The following GALNT17 variants were observed in gnomAD, a reference collection of about 807,000 sequenced individuals.
The protein encoded by GALNT17 is polypeptide N-acetylgalactosaminyltransferase 17.
Under a neutral mutation model 63.7 loss-of-function variants are expected in GALNT17, and 29 were observed. That is an observed-to-expected ratio of 0.46 (90% confidence interval 0.34 to 0.62). The LOEUF (loss-of-function observed/expected upper bound fraction) is 0.62. Among genes scored for constraint, GALNT17 ranks in the 20% least tolerant of loss-of-function variants. GALNT17 has a pLI of 0.01. For synonymous variants in GALNT17, 305 were observed against 318.3 expected, an observed-to-expected ratio of 0.96 and a Z score of 0.45; for missense variants, 603 against 799.6, an observed-to-expected ratio of 0.75 and a Z score of 2.97.
chr7:71,342,547 A>G (rs28674729), intron 2 of GALNT17, among the ~76,000 whole-genome samples: 30 of 152,308 alleles, frequency 2.0e-4, no homozygotes, highest in Admixed American at 7.2e-4. Flanking sequence ...AAAAAAAACA[A>G]AAGCTCTCCA....
chr7:71,471,887 T>C (rs73365688), intron 5 of GALNT17, among the ~76,000 whole-genome samples: 6,330 of 152,136 alleles, frequency 0.042, 243 homozygotes, highest in African/African-American at 0.1. Flanking sequence ...CCTAAGCAGG[T>C]ACATTATCCT....
intron 5 of GALNT17, among the ~76,000 whole-genome samples, chr7:71,556,236 TG>T: frequency 6.6e-6 from 1 of 152,196 alleles, no homozygotes; most frequent in East Asian, 1.9e-4. Context: ...TGACTGTCCT[TG>T]GGTAAACATC....
intron 5 of GALNT17, among the ~76,000 whole-genome samples, chr7:71,506,240 G>A (rs1386348320): frequency 7.3e-6 from 1 of 137,352 alleles, no homozygotes; most frequent in Non-Finnish European, 1.6e-5. Context: ...CTGGGGCATA[G>A]AAGGAATTTT....
intron 2 of GALNT17, among the ~76,000 whole-genome samples, chr7:71,364,949 G>T (rs201427830): frequency 7.1e-5 from 3 of 42,392 alleles, no homozygotes; most frequent in African/African-American, 2.4e-4. Flanking sequence ...TTTTTATTTT[G>T]AGATGGAGTC....
intron 3 of GALNT17, among the ~76,000 whole-genome samples, chr7:71,400,450 C>A (rs777919606): frequency 2.6e-5 from 4 of 152,156 alleles, no homozygotes; most frequent in African/African-American, 9.7e-5. Flanking sequence ...CACTTTAATT[C>A]ATTCATAATC....
intron 7 of GALNT17, 48 bp from the exon 8 acceptor site, chr7:71,669,924 C>G: frequency 6.2e-7 from 1 of 1,607,094 alleles, no homozygotes; most frequent in Non-Finnish European, 8.5e-7. Context: ...CCCACTCTGG[C>G]CAGAGCTCCA....
chr7:71,354,392 C>G (rs1792245343), intron 2 of GALNT17, among the ~76,000 whole-genome samples: 1 of 152,124 alleles, frequency 6.6e-6, no homozygotes, highest in African/African-American at 2.4e-5. Context: ...AGAAAGTATT[C>G]ATTAGTTTTA....
At chr7:71,387,668 G>A (rs541174856) in intron 2 of GALNT17, among the ~76,000 whole-genome samples, 5 of 152,232 alleles carry the variant, frequency 3.3e-5, no homozygotes, top group East Asian at 3.9e-4. Flanking sequence ...TGGAGTAATC[G>A]CTTAGGCATC....
chr7:71,469,904 C>G (rs1356090748), intron 5 of GALNT17, among the ~76,000 whole-genome samples: 1 of 152,144 alleles, frequency 6.6e-6, no homozygotes, highest in Non-Finnish European at 1.5e-5. Context: ...ATATAGTACC[C>G]TTACATTTAA....
chr7:71,235,053 C>A (rs1012995610), intron 1 of GALNT17, among the ~76,000 whole-genome samples: 3 of 151,998 alleles, frequency 2.0e-5, no homozygotes, highest in Non-Finnish European at 4.4e-5. Flanking sequence ...GAGTTTGAGA[C>A]CAGCCTGGGC....
intron 6 of GALNT17, among the ~76,000 whole-genome samples, chr7:71,615,768 G>A (rs979938577): frequency 2.0e-5 from 3 of 152,050 alleles, no homozygotes; most frequent in Non-Finnish European, 4.4e-5. Flanking sequence ...GTGAGCCACC[G>A]CGCCCGGCCT....
chr7:71,436,201 C>T (rs993788687), intron 5 of GALNT17, among the ~76,000 whole-genome samples: 8 of 152,098 alleles, frequency 5.3e-5, no homozygotes, highest in African/African-American at 1.4e-4. Context: ...ATGAACCCAC[C>T]GGGTGGTTAC....
intron 1 of GALNT17, among the ~76,000 whole-genome samples, chr7:71,293,331 G>A (rs1791018983): frequency 6.6e-6 from 1 of 152,112 alleles, no homozygotes. Context: ...GCAGTGTACA[G>A]GGTTTCCCTT....
At chr7:71,624,893 T>C (rs1790348655) in intron 6 of GALNT17, among the ~76,000 whole-genome samples, 1 of 152,200 alleles carries the variant, frequency 6.6e-6, no homozygotes, top group African/African-American at 2.4e-5. Flanking sequence ...TTCTGCTTCA[T>C]ACATTTCATT....
intron 9 of GALNT17, 76 bp from the exon 10 acceptor site, chr7:71,710,685 A>T: frequency 1.3e-6 from 2 of 1,538,910 alleles, no homozygotes; most frequent in East Asian, 4.5e-5. Flanking sequence ...AAGCCGAGAG[A>T]CCTGAGCCCT....
At chr7:71,506,409 G>A (rs551236113) in intron 5 of GALNT17, among the ~76,000 whole-genome samples, 1 of 152,022 alleles carries the variant, frequency 6.6e-6, no homozygotes, top group Non-Finnish European at 1.5e-5. Context: ...TGGGATTACA[G>A]GCACCTGCCC....
intron 2 of GALNT17, among the ~76,000 whole-genome samples, chr7:71,339,702 G>A (rs1791974690): frequency 6.6e-6 from 1 of 151,210 alleles, no homozygotes. Flanking sequence ...AAAAAAAAAA[G>A]GAAAATTGAA....
chr7:71,363,342 G>A (rs1792442044), intron 2 of GALNT17, among the ~76,000 whole-genome samples: 1 of 151,450 alleles, frequency 6.6e-6, no homozygotes, highest in Admixed American at 6.6e-5. Context: ...ACCCTGAAAT[G>A]CACCAGGCAC....
intron 6 of GALNT17, among the ~76,000 whole-genome samples, chr7:71,644,527 CAAAAAA>C: frequency 8.5e-5 from 2 of 23,660 alleles, no homozygotes; most frequent in South Asian, 3.2e-3. Context: ...GACTCCATCT[CAAAAAA>C]AAAAAAAAAA....
Sources: gnomAD v4.1 joint callset for allele counts (sites outside exome capture counted in the v4.1 genomes callset) on GRCh38, gnomAD v4.1.1 for gene constraint, MANE v1.5 for transcripts, NCBI Gene and HGNC (gene_info 2026-07-23, HGNC 2026-07-21) for gene names.